The following PCCA variants were observed in gnomAD, a reference collection of about 807,000 sequenced individuals.
PCCA encodes the protein propionyl-CoA carboxylase subunit alpha.
Under a neutral mutation model 101.3 loss-of-function variants are expected in PCCA, and 74 were observed. The ratio of observed to expected loss-of-function variants is 0.73; its 90% CI spans 0.61 to 0.89. PCCA has a LOEUF of 0.89. Among genes scored for constraint, PCCA ranks in the 40% least tolerant of loss-of-function variants. The pLI is 0.00. For synonymous variants in PCCA, 294 were observed against 313.6 expected (o/e 0.94, Z 0.66); for missense variants, 891 against 907.0 (o/e 0.98, Z 0.23).
At chr13:100,493,594 G>T (rs2085069040) in intron 21 of PCCA, among the ~76,000 whole-genome samples, 1 of 152,218 alleles carries the variant, frequency 6.6e-6, no homozygotes, top group Admixed American at 6.5e-5. Flanking sequence ...CCCCCACAGA[G>T]TCTTGAGAAA....
At position 100,370,317 on chromosome 13, in the gene PCCA, T is replaced by C. The variant is rs1487488253; in HGVS notation, c.1746+1743T>C. Among the ~76,000 whole-genome samples, 3 of 152,008 alleles carry C rather than the reference T, an allele frequency of 2.0e-5. No homozygotes were observed. The East Asian group carries it at 5.8e-4, about 29-fold the overall frequency. On this transcript the variant is annotated intron_variant, in intron 19 of 23. Transcript: ENST00000376285. ...CCAGGCTGGTCTCGAACACCTGAGC[T>C]CAAGTGATCCTCCTGTCTCAGCCTC...
intron 7 of PCCA, among the ~76,000 whole-genome samples, chr13:100,233,027 GT>G: frequency 6.6e-6 from 1 of 152,156 alleles, no homozygotes; most frequent in East Asian, 1.9e-4. Context: ...TTACTAAATT[GT>G]TTTTCAGAAT....
intron 7 of PCCA, among the ~76,000 whole-genome samples, chr13:100,225,499 T>A (rs962037502): frequency 2.0e-5 from 3 of 152,206 alleles, no homozygotes; most frequent in Non-Finnish European, 4.4e-5. Flanking sequence ...TTGGCCAGAC[T>A]TTAAAAACTG....
chr13:100,465,341 C>T (rs912282525), intron 21 of PCCA, among the ~76,000 whole-genome samples: 5 of 152,132 alleles, frequency 3.3e-5, no homozygotes, highest in Non-Finnish European at 7.4e-5. Flanking sequence ...TGTTCTGGAT[C>T]CTTTTCAGAA....
chr13:100,470,832 C>T (rs1372929881), intron 21 of PCCA, among the ~76,000 whole-genome samples: 2 of 152,050 alleles, frequency 1.3e-5, no homozygotes, highest in African/African-American at 4.8e-5. Context: ...GCACTCCAGC[C>T]TGGGCGACAG....
chr13:100,291,527 C>T (rs1392009217), intron 12 of PCCA, among the ~76,000 whole-genome samples: 1 of 152,206 alleles, frequency 6.6e-6, no homozygotes, highest in Non-Finnish European at 1.5e-5. Context: ...TGTCCTTCAG[C>T]AGCTCTGTTT....
At chr13:100,451,733 T>TCA (rs2081259097) in intron 21 of PCCA, among the ~76,000 whole-genome samples, 1 of 98,842 alleles carries the variant, frequency 1.0e-5, no homozygotes, top group South Asian at 4.4e-4. Context: ...TCTCTCTCTC[T>TCA]CTCTCTTCTC....
At chr13:100,515,104 G>A (rs1251229635) in intron 21 of PCCA, among the ~76,000 whole-genome samples, 4 of 152,228 alleles carry the variant, frequency 2.6e-5, no homozygotes, top group Non-Finnish European at 5.9e-5. Flanking sequence ...GGATAAGTTT[G>A]TAGGTGGTGA....
rs1401660867 is a variant in PCCA at position 100,226,963 on chromosome 13, AC to A, written c.601-8878del. Among the ~76,000 whole-genome samples, 6 of 152,328 alleles carry A rather than the reference AC, an allele frequency of 3.9e-5. No individual in the cohort carries two copies. The South Asian group carries it at 1.2e-3, about 32-fold the overall frequency. ...GCACTCTAGTAACTCAGTCACAGTC[AC>A]AGAAGCAGTATTGGAGCCCAAGCCT... On this transcript the variant is annotated intron_variant, in intron 7 of 23. Coordinates refer to ENST00000376285, the MANE Select transcript of PCCA (RefSeq NM_000282.4).
intron 9 of PCCA, among the ~76,000 whole-genome samples, chr13:100,258,950 G>A (rs2062259623): frequency 1.3e-5 from 2 of 152,024 alleles, no homozygotes; most frequent in Admixed American, 6.6e-5. Context: ...AATAATACAA[G>A]CTCCTCATTT....
At chr13:100,186,151 G>C (rs1371692462) in intron 6 of PCCA, among the ~76,000 whole-genome samples, 1 of 152,164 alleles carries the variant, frequency 6.6e-6, no homozygotes, top group South Asian at 2.1e-4. Flanking sequence ...TAGGCAATCA[G>C]TGTCTTTGTG....
intron 7 of PCCA, among the ~76,000 whole-genome samples, chr13:100,230,904 G>A (rs1482344085): frequency 2.0e-5 from 3 of 152,166 alleles, no homozygotes; most frequent in Admixed American, 2.0e-4. Flanking sequence ...TCTCCAGCCT[G>A]CAACCAGAGC....
At chr13:100,269,071 C>T (rs1017992739) in intron 11 of PCCA, among the ~76,000 whole-genome samples, 2 of 152,206 alleles carry the variant, frequency 1.3e-5, no homozygotes, top group Non-Finnish European at 2.9e-5. Context: ...TGGCCTTGAA[C>T]TCCTGGCATC....
intron 16 of PCCA, among the ~76,000 whole-genome samples, chr13:100,328,775 C>T (rs2069085371): frequency 6.9e-6 from 1 of 145,884 alleles, no homozygotes; most frequent in Non-Finnish European, 1.5e-5. Flanking sequence ...CTCACTGCAA[C>T]CTCCACCTCC....
At chr13:100,093,764 CAAAAT>C (rs530182720) in intron 1 of PCCA, among the ~76,000 whole-genome samples, 158 of 151,952 alleles carry the variant, frequency 1.0e-3, no homozygotes, top group Non-Finnish European at 1.4e-3. Context: ...GCTATCTCTA[CAAAAT>C]AAAATAAAAT....
intron 4 of PCCA, among the ~76,000 whole-genome samples, chr13:100,138,983 G>A (rs568964215): frequency 2.7e-5 from 4 of 148,716 alleles, no homozygotes; most frequent in East Asian, 2.0e-4. Context: ...TCTTTATTTC[G>A]CCTTCATTCT....
chr13:100,346,678 C>G (rs1015090986), intron 18 of PCCA, among the ~76,000 whole-genome samples: 4 of 152,130 alleles, frequency 2.6e-5, no homozygotes, highest in Admixed American at 2.0e-4. Flanking sequence ...AACAGCATCA[C>G]ATGCTACAGG....
chr13:100,405,046 A>G (rs1397832378), intron 19 of PCCA, among the ~76,000 whole-genome samples: 1 of 152,194 alleles, frequency 6.6e-6, no homozygotes, highest in African/African-American at 2.4e-5. Flanking sequence ...CATAAGTGGA[A>G]TACTAAGGTG....
intron 6 of PCCA, among the ~76,000 whole-genome samples, chr13:100,196,492 C>T (rs566917789): frequency 6.6e-6 from 1 of 152,248 alleles, no homozygotes. Context: ...TTCTCTTTCC[C>T]TAACTAAATA....
Sources: gnomAD v4.1 joint callset for allele counts (sites outside exome capture counted in the v4.1 genomes callset) on GRCh38, gnomAD v4.1.1 for gene constraint, MANE v1.5 for transcripts, NCBI Gene and HGNC (gene_info 2026-07-23, HGNC 2026-07-21) for gene names.